ANAPC10: variants seen among roughly 807,000 people sequenced by gnomAD.
ANAPC10 encodes anaphase promoting complex subunit 10, also known as anaphase-promoting complex subunit 10.
A neutral mutation model predicts 22.0 loss-of-function variants in ANAPC10; 12 were observed. The observed-to-expected ratio is 0.55, with a 90% CI of 0.35 to 0.88. The LOEUF (loss-of-function observed/expected upper bound fraction) is 0.88. Among genes scored for constraint, ANAPC10 ranks in the 40% least tolerant of loss-of-function variants. The probability of loss-of-function intolerance (pLI) is 0.01; values close to 1 mark genes in which losing one functional copy is unlikely to be tolerated. For missense variants in ANAPC10, 188 were observed against 220.9 expected, an observed-to-expected ratio of 0.85 and a Z score of 0.94; for synonymous variants, 65 against 69.5, an observed-to-expected ratio of 0.94 and a Z score of 0.32.
intron 3 of ANAPC10, among the ~76,000 whole-genome samples, chr4:145,066,195 A>G (rs1478072825): frequency 6.6e-6 from 1 of 152,128 alleles, no homozygotes; most frequent in African/African-American, 2.4e-5. Flanking sequence ...TAAGCTATTC[A>G]TTAGAAAGGA....
intron 4 of ANAPC10, among the ~76,000 whole-genome samples, chr4:145,012,757 C>A (rs789347): frequency 0.99 from 150,378 of 152,254 alleles, 74,295 homozygotes; most frequent in East Asian, 1. Flanking sequence ...AATTTTCCGC[C>A]AACACAGAGA....
intron 4 of ANAPC10, among the ~76,000 whole-genome samples, chr4:145,000,770 A>G (rs1732402472): frequency 6.6e-6 from 1 of 152,328 alleles, no homozygotes; most frequent in Non-Finnish European, 1.5e-5. Flanking sequence ...CACTATTCAC[A>G]ATAGCAAAGA....
rs1201745992 is a variant in ANAPC10, at chr4:144,995,590, A to G, written c.341T>C (p.Val114Ala). Residue 114 changes from valine to alanine, a missense_variant, in exon 5 of 5, where the codon GTG (valine) becomes GCG (alanine). Coordinates refer to ENST00000507656, the MANE Select transcript of ANAPC10 (RefSeq NM_001256706.2). ...AACATGAATCCAGCCACTTGGTTCC[A>G]CCAACTCAAGTTGCTGCCAAGGGAA... ...NLQEIRQLEL[V>A]EPSGWIHVPL... The G allele has an allele frequency of 2.5e-6, 4 of 1,607,928 alleles. No individual in the cohort carries two copies. Among genetic ancestry groups the G allele is most frequent in the Non-Finnish European group, 3.4e-6 (4 of 1,178,174 alleles).
chr4:145,009,738 A>T (rs577826023), intron 4 of ANAPC10, among the ~76,000 whole-genome samples: 9 of 152,316 alleles, frequency 5.9e-5, no homozygotes, highest in East Asian at 3.9e-4. Context: ...AACCTAGGTA[A>T]TACCATTCAG....
At chr4:145,019,652 G>C (rs575204337) in intron 4 of ANAPC10, among the ~76,000 whole-genome samples, 43 of 152,182 alleles carry the variant, frequency 2.8e-4, no homozygotes, top group African/African-American at 1.0e-3. Context: ...GAAACAAAAA[G>C]CTGCTTGTTT....
intron 1 of ANAPC10, 71 bp from the exon 2 acceptor site, chr4:145,096,182 G>T: frequency 6.6e-7 from 1 of 1,521,010 alleles, no homozygotes; most frequent in Non-Finnish European, 8.9e-7. Flanking sequence ...TTTTTACCAA[G>T]AAAAATTTAA....
intron 4 of ANAPC10, among the ~76,000 whole-genome samples, chr4:145,040,805 C>T (rs1276666428): frequency 6.6e-6 from 1 of 152,076 alleles, no homozygotes; most frequent in Non-Finnish European, 1.5e-5. Context: ...ATACCGACAA[C>T]TCAAAAAGCC....
intron 4 of ANAPC10, among the ~76,000 whole-genome samples, chr4:145,046,359 G>A (rs1740298056): frequency 6.6e-6 from 1 of 152,022 alleles, no homozygotes; most frequent in South Asian, 2.1e-4. Context: ...TAAGGGCTAA[G>A]AAGTAAAATT....
intron 2 of ANAPC10, among the ~76,000 whole-genome samples, chr4:145,095,034 G>A (rs886923846): frequency 2.6e-5 from 4 of 152,204 alleles, no homozygotes; most frequent in African/African-American, 7.2e-5. Flanking sequence ...GATAGAGGAG[G>A]AAAAGAGAAG....
At chr4:145,033,691 C>G (rs539302859) in intron 4 of ANAPC10, among the ~76,000 whole-genome samples, 1 of 152,230 alleles carries the variant, frequency 6.6e-6, no homozygotes, top group East Asian at 1.9e-4. Context: ...AGCTTTGGGT[C>G]ACTCCACCAG....
intron 4 of ANAPC10, among the ~76,000 whole-genome samples, chr4:145,042,260 CATAA>C (rs1024273433): frequency 2.0e-5 from 3 of 152,022 alleles, no homozygotes; most frequent in Admixed American, 2.0e-4. Context: ...TCTAAGCACC[CATAA>C]ATATACTTCC....
At chr4:145,052,575 T>C (rs542100324) in intron 4 of ANAPC10, among the ~76,000 whole-genome samples, 4 of 152,282 alleles carry the variant, frequency 2.6e-5, no homozygotes, top group African/African-American at 9.6e-5. Flanking sequence ...TTGATTTCTA[T>C]TGTAAAATTA....
chr4:145,052,145 T>C (rs1250320265), intron 4 of ANAPC10, among the ~76,000 whole-genome samples: 1 of 152,082 alleles, frequency 6.6e-6, no homozygotes, highest in East Asian at 1.9e-4. Flanking sequence ...TCGAAGGACA[T>C]AAAATTTCGG....
At chr4:145,026,941 A>ATGTG (rs1433016239) in intron 4 of ANAPC10, among the ~76,000 whole-genome samples, 4 of 24,678 alleles carry the variant, frequency 1.6e-4, no homozygotes, top group African/African-American at 4.3e-4. Context: ...ATATATATAT[A>ATGTG]TATATGTGTG....
rs1380578352 is a variant in ANAPC10 at position 145,029,221 on chromosome 4, C to A, written c.328-33618G>T. ...TCACCATCCCCAGTAGTGGCAACAT[C>A]CCCTCCCCGACCCACACTGCCATCA... On this transcript the variant is annotated intron_variant, in intron 4 of 4. Transcript: ENST00000507656. 2.6e-5 allele frequency among the ~76,000 whole-genome samples: 4 copies of A among 152,044 alleles called. No homozygotes were observed. The East Asian group carries it at 7.7e-4, about 29-fold the overall frequency.
At chr4:145,090,497 A>T (rs1747510762) in intron 2 of ANAPC10, among the ~76,000 whole-genome samples, 1 of 152,168 alleles carries the variant, frequency 6.6e-6, no homozygotes, top group Non-Finnish European at 1.5e-5. Context: ...TGATCGTTTC[A>T]AGCAAAGTAA....
chr4:145,070,071 G>A (rs1310212656), intron 3 of ANAPC10, among the ~76,000 whole-genome samples: 1 of 152,108 alleles, frequency 6.6e-6, no homozygotes, highest in Non-Finnish European at 1.5e-5. Flanking sequence ...CATATATAAA[G>A]ATTTCTGAAG....
At chr4:145,071,161 C>T (rs1744432689) in intron 3 of ANAPC10, among the ~76,000 whole-genome samples, 1 of 152,184 alleles carries the variant, frequency 6.6e-6, no homozygotes, top group South Asian at 2.1e-4. Context: ...AATCCCAACA[C>T]TTTGGGAGGC....
At chr4:145,053,646 T>C (rs1741460049) in intron 4 of ANAPC10, 2 of 466,400 alleles carry the variant, frequency 4.3e-6, no homozygotes, top group Admixed American at 7.8e-5. Flanking sequence ...ATTCTCTTAA[T>C]TCCTTTATGA....
Sources: gnomAD v4.1 joint callset for allele counts (sites outside exome capture counted in the v4.1 genomes callset) on GRCh38, gnomAD v4.1.1 for gene constraint, MANE v1.5 for transcripts, NCBI Gene and HGNC (gene_info 2026-07-23, HGNC 2026-07-21) for gene names.